The following KCNE2 variants were observed in gnomAD, a reference collection of about 807,000 sequenced individuals.
The protein encoded by KCNE2 is potassium voltage-gated channel subfamily E regulatory subunit 2.
In KCNE2, 4 loss-of-function variants were observed where a neutral mutation model predicts 4.5. The ratio of observed to expected loss-of-function variants is 0.89; its 90% CI spans 0.44 to 2.03. The LOEUF (loss-of-function observed/expected upper bound fraction) is 2.03, where lower values mean the gene tolerates loss of function less well. Ranked by LOEUF, KCNE2 falls within the 30% of genes most tolerant of loss-of-function variation. KCNE2 has a pLI of 0.03. For synonymous variants in KCNE2, 57 were observed against 55.9 expected, an observed-to-expected ratio of 1.02 and a Z score of -0.09; for missense variants, 137 against 151.4, an observed-to-expected ratio of 0.90 and a Z score of 0.50.
chr21:34,368,217 ACACACACACACAATATAT>A (rs1251781958), intron 1 of KCNE2, among the ~76,000 whole-genome samples: 1 of 95,790 alleles, frequency 1.0e-5, no homozygotes, highest in Non-Finnish European at 1.9e-5. Flanking sequence ...ACACACACAC[ACACACACACACAATATAT>A]ATATATATAT....
At chr21:34,364,902 G>A (rs2030708847) in intron 1 of KCNE2, among the ~76,000 whole-genome samples, 3 of 152,164 alleles carry the variant, frequency 2.0e-5, no homozygotes. Context: ...TGGAATTAGG[G>A]GATCATTCTG....
intron 1 of KCNE2, among the ~76,000 whole-genome samples, chr21:34,366,363 C>T (rs1979290344): frequency 6.6e-6 from 1 of 151,946 alleles, no homozygotes; most frequent in South Asian, 2.1e-4. Flanking sequence ...TAACACCGCC[C>T]CTCCCCCACC....
At chr21:34,369,991 T>C (rs1360671562) in intron 1 of KCNE2, among the ~76,000 whole-genome samples, 3 of 152,234 alleles carry the variant, frequency 2.0e-5, no homozygotes, top group African/African-American at 2.4e-5. Context: ...TGAGTGCTTG[T>C]TATGAATGTG....
At chr21:34,364,311 T>C (rs146989686) in intron 1 of KCNE2, among the ~76,000 whole-genome samples, 160 bp downstream of exon 1, 31 of 152,378 alleles carry the variant, frequency 2.0e-4, no homozygotes, top group African/African-American at 6.5e-4. Flanking sequence ...CTTACTCATT[T>C]CTTTGTTAAT....
At chr21:34,368,981 A>G (rs1603061640) in intron 1 of KCNE2, among the ~76,000 whole-genome samples, 1 of 152,134 alleles carries the variant, frequency 6.6e-6, no homozygotes. Flanking sequence ...GCTGGAACCT[A>G]AAGAACGAGG....
Position 34,370,543 on chromosome 21 carries a change from A to T in KCNE2, c.65A>T (p.Tyr22Phe), listed in dbSNP as rs1979532436. The change falls in exon 2 of 2, where the codon TAT becomes TTT. Residue 22 changes from tyrosine (Y) to phenylalanine (F), a missense_variant. Tyr to Phe is a conservative substitution (Grantham distance 22). Transcript: ENST00000290310. ...EDVFRRIFIT[Y>F]MDNWRQNTTA... is the part of the protein sequence containing the mutation. ...GTCTTCCGAAGGATTTTTATTACTT[A>T]TATGGACAATTGGCGCCAGAACACA... 6.2e-7 allele frequency: 1 copy of T among 1,614,240 alleles called. No individual in the cohort carries two copies. Among genetic ancestry groups the T allele is most frequent in the Non-Finnish European group, 8.5e-7 (1 of 1,180,040 alleles).
At chr21:34,365,582 C>T (rs981242825) in intron 1 of KCNE2, among the ~76,000 whole-genome samples, 20 of 152,130 alleles carry the variant, frequency 1.3e-4, no homozygotes, top group African/African-American at 4.6e-4. Flanking sequence ...TGTGCCATCA[C>T]ATCCAGCTAT....
Position 34,370,795 on chromosome 21 carries a change from C to T in KCNE2, c.317C>T (p.Ser106Leu), listed in dbSNP as rs183427173. 1.1e-4 allele frequency: 173 copies of T among 1,614,146 alleles called. No homozygotes were observed. In the Admixed American group the frequency reaches 2.5e-3, roughly 23 times the overall value. ...AGCCAAATCTTGAATCTAGAAGAAT[C>T]GAAGGCCACCATCCATGAGAACATT... Reference protein sequence around the residue: ...YKSQILNLEESKATIHENIGA... With the variant: ...YKSQILNLEELKATIHENIGA... Residue 106 changes from serine (S) to leucine (L), a missense_variant, in exon 2 of 2, where the codon TCG (serine) becomes TTG (leucine). Ser to Leu is a moderately radical substitution (Grantham distance 145, BLOSUM62 -2). Coordinates refer to ENST00000290310, the MANE Select transcript of KCNE2 (RefSeq NM_172201.2).
chr21:34,370,108 A>G (rs1979512068), intron 1 of KCNE2, among the ~76,000 whole-genome samples: 1 of 152,358 alleles, frequency 6.6e-6, no homozygotes, highest in Middle Eastern at 3.4e-3. Flanking sequence ...AAGAAAATAC[A>G]TATCTTTAAG....
intron 1 of KCNE2, among the ~76,000 whole-genome samples, chr21:34,367,260 A>G (rs1194445292): frequency 1.3e-5 from 2 of 152,060 alleles, no homozygotes; most frequent in East Asian, 3.8e-4. Context: ...TAGGAGTTTA[A>G]CAACATAGTG....
chr21:34,368,242 ATATATATATATATATATATGTATGT>A (rs1424892807), intron 1 of KCNE2, among the ~76,000 whole-genome samples: 12 of 113,292 alleles, frequency 1.1e-4, no homozygotes, highest in African/African-American at 4.9e-4. Flanking sequence ...ATATATATAT[ATATATATATATATATATATGTATGT>A]TATATATATG....
At chr21:34,365,719 C>T (rs1196227273) in intron 1 of KCNE2, among the ~76,000 whole-genome samples, 1 of 152,254 alleles carries the variant, frequency 6.6e-6, no homozygotes, top group African/African-American at 2.4e-5. Context: ...ACCACTGTGC[C>T]TGGCCTCCAA....
intron 1 of KCNE2, among the ~76,000 whole-genome samples, chr21:34,364,890 G>C (rs1243806004): frequency 6.6e-6 from 1 of 152,176 alleles, no homozygotes; most frequent in African/African-American, 2.4e-5. Flanking sequence ...GACAGGAATG[G>C]CTGGAATTAG....
chr21:34,365,547 T>G (rs889331117), intron 1 of KCNE2, among the ~76,000 whole-genome samples: 1 of 152,200 alleles, frequency 6.6e-6, no homozygotes, highest in Admixed American at 6.5e-5. Flanking sequence ...CACCTCAGCC[T>G]CCTGAGTAGC....
In KCNE2 at chr21:34,371,107, C is replaced by T; in HGVS notation, c.*257C>T. 2 of 537,244 alleles carry T rather than the reference C, an allele frequency of 3.7e-6. No individual in the cohort carries two copies. Among genetic ancestry groups the T allele is most frequent in the South Asian group, 2.4e-5 (1 of 42,242 alleles). 33.3% of individuals were successfully genotyped at this position (537,244 alleles called of 1,614,324 possible). On this transcript the variant is annotated 3_prime_UTR_variant, in exon 2 of 2. Coordinates refer to ENST00000290310, the MANE Select transcript of KCNE2 (RefSeq NM_172201.2). ...CCGGGCAAGTGAATGTCATTTTAATCAATATCAATGATGAAAATAAAGCCA... is the reference window on the plus strand; with the variant it reads ...CCGGGCAAGTGAATGTCATTTTAATTAATATCAATGATGAAAATAAAGCCA...
intron 1 of KCNE2, among the ~76,000 whole-genome samples, chr21:34,368,229 A>ACAATAT (rs781775671): frequency 4.1e-4 from 35 of 84,780 alleles, no homozygotes; most frequent in African/African-American, 9.0e-4. Context: ...ACACACACAC[A>ACAATAT]ATATATATAT....
chr21:34,364,595 C>A (rs1979213860), intron 1 of KCNE2, among the ~76,000 whole-genome samples: 1 of 151,982 alleles, frequency 6.6e-6, no homozygotes, highest in Non-Finnish European at 1.5e-5. Flanking sequence ...CATAGTGAAA[C>A]CCCATCTCTA....
rs1568814414 is a variant in KCNE2, at chr21:34,370,951, T to C, written c.*101T>C. 1.4e-6 allele frequency: 2 copies of C among 1,431,270 alleles called. No individual in the cohort carries two copies. Among genetic ancestry groups the C allele is most frequent in the East Asian group, 2.3e-5 (1 of 42,848 alleles). The allele number at this position is 1,431,270 out of a possible 1,614,324, so 88.7% of individuals were successfully genotyped here. A position where few individuals can be genotyped will look rare whatever the true frequency, so the allele number is the denominator to read the frequency against. On this transcript the variant is annotated 3_prime_UTR_variant, in exon 2 of 2. Coordinates refer to ENST00000290310, the MANE Select transcript of KCNE2 (RefSeq NM_172201.2). ...TTGTCTTTGCTTAGAAGAAAGTGAG[T>C]TCCTTGCTCTCTGTTGAGAATTTTC...
At chr21:34,368,697 G>A (rs1031959873) in intron 1 of KCNE2, among the ~76,000 whole-genome samples, 2 of 152,172 alleles carry the variant, frequency 1.3e-5, no homozygotes, top group Non-Finnish European at 1.5e-5. Context: ...AAAAGCACAC[G>A]TATATAATTC....
Sources: allele counts gnomAD v4.1 joint callset (sites outside exome capture counted in the v4.1 genomes callset), GRCh38; gene constraint gnomAD v4.1.1; transcripts MANE v1.5; gene names NCBI Gene and HGNC (gene_info 2026-07-23, HGNC 2026-07-21).